SPIRE2: variants seen among roughly 807,000 people sequenced by gnomAD.
SPIRE2 encodes spire type actin nucleation factor 2, also known as protein spire homolog 2.
A neutral mutation model predicts 80.7 loss-of-function variants in SPIRE2; 76 were observed. The ratio of observed to expected loss-of-function variants is 0.94; its 90% CI spans 0.78 to 1.14. The LOEUF (loss-of-function observed/expected upper bound fraction) is 1.14. Ranked by LOEUF, SPIRE2 falls within the 50% of genes most tolerant of loss-of-function variation. The pLI, the probability that SPIRE2 is intolerant of heterozygous loss-of-function variation, is 0.00. For synonymous variants in SPIRE2, 535 were observed against 432.6 expected, an observed-to-expected ratio of 1.24 and a Z score of -2.94; for missense variants, 1,196 against 1,015.3, an observed-to-expected ratio of 1.18 and a Z score of -2.42.
At chr16:89,865,142 G>A (rs893298448) in intron 12 of SPIRE2, among the ~76,000 whole-genome samples, 3 of 151,928 alleles carry the variant, frequency 2.0e-5, no homozygotes, top group African/African-American at 7.3e-5. Flanking sequence ...GAGTAGCTGG[G>A]TCTACAGGCA....
intron 12 of SPIRE2, among the ~76,000 whole-genome samples, chr16:89,866,733 C>T (rs539406506): frequency 1.4e-4 from 21 of 152,040 alleles, no homozygotes; most frequent in Admixed American, 9.2e-4. Context: ...CTCAGCCTCC[C>T]GAGTAGCTGG....
chr16:89,858,657 G>A, intron 8 of SPIRE2, 150 bp downstream of exon 8: 1 of 767,966 alleles, frequency 1.3e-6, no homozygotes, highest in Non-Finnish European at 1.9e-6. Flanking sequence ...CCTGCCGTAG[G>A]AGGAGGCCTG....
Position 89,863,513 on chromosome 16 carries a change from T to C in SPIRE2, c.1613T>C (p.Val538Ala). ...SHPVESLALT[V>A]EEVMDVRRVL... is the part of the protein sequence containing the mutation. Reference sequence around the variant, plus strand: ...CCCGTGGAGAGCCTGGCGCTGACTGTGGAAGAGGTGATGGACGTGCGCCGT... The same window carrying C: ...CCCGTGGAGAGCCTGGCGCTGACTGCGGAAGAGGTGATGGACGTGCGCCGT... Residue 538 changes from valine to alanine, a missense_variant, in exon 11 of 15, where the codon GTG becomes GCG. Transcript: ENST00000378247. This position sits in a 1 kb window ranked among gnomAD's most constrained non-coding sequence, Gnocchi z 4.3. The C allele has an allele frequency of 2.5e-6, 4 of 1,613,988 alleles. No individual in the cohort carries two copies. Among genetic ancestry groups the C allele is most frequent in the Non-Finnish European group, 3.4e-6 (4 of 1,179,998 alleles).
Position 89,863,770 on chromosome 16 carries a change from G to A in SPIRE2, c.1711-24G>A. ...CCCAGGGAGCTTTGGACAAAGCGGG[G>A]CTCTAACCAGTCTCTCCTGACAGAT... On this transcript the variant is annotated intron_variant, in intron 11 of 14. Transcript: ENST00000378247. This position sits in a 1 kb window ranked among gnomAD's most constrained non-coding sequence, Gnocchi z 4.3. 1.2e-6 allele frequency: 2 copies of A among 1,613,616 alleles called. No individual in the cohort carries two copies. Among genetic ancestry groups the A allele is most frequent in the Non-Finnish European group, 1.7e-6 (2 of 1,179,540 alleles).
At chr16:89,829,564 T>C (rs1598213250) in intron 1 of SPIRE2, among the ~76,000 whole-genome samples, 2 of 152,158 alleles carry the variant, frequency 1.3e-5, no homozygotes, top group Non-Finnish European at 2.9e-5. Flanking sequence ...GCCTGAGAGC[T>C]GTGGGTTTGC....
At position 89,839,956 on chromosome 16, in the gene SPIRE2, G is replaced by A. The variant is rs530355752; in HGVS notation, c.245-5366G>A. Among the ~76,000 whole-genome samples the A allele has an allele frequency of 2.0e-5, 3 of 152,374 alleles. No individual in the cohort carries two copies. The East Asian group carries it at 5.8e-4, about 29-fold the overall frequency. The stretch of plus-strand genomic sequence containing the variant: ...GACTTGTTATTCGAGGTAACGCCAT[G>A]CGTGAGATTGAGCAGGAGTCATCTC... On this transcript the variant is annotated intron_variant, in intron 1 of 14. Transcript: ENST00000378247.
chr16:89,863,380 A>T lies in SPIRE2; in HGVS notation c.1576-96A>T. ...GTTTTAGAAGGTCGCAGGCTTGTTT[A>T]GGCTGAGGCCAGGGAGGGTTAGGGT... On this transcript the variant is annotated intron_variant, in intron 10 of 14. Transcript: ENST00000378247. This position sits in a 1 kb window ranked among gnomAD's most constrained non-coding sequence, Gnocchi z 4.3. The T allele has an allele frequency of 7.1e-7, 1 of 1,416,034 alleles. No individual in the cohort carries two copies. The highest frequency in any genetic ancestry group is 9.7e-7 in the Non-Finnish European group (1 of 1,031,088). The allele number at this position is 1,416,034 out of a possible 1,614,324, so 87.7% of individuals were successfully genotyped here. A position where few individuals can be genotyped will look rare whatever the true frequency, so the allele number is the denominator to read the frequency against.
chr16:89,856,021 TC>T lies in SPIRE2; in HGVS notation c.979-88del, dbSNP rs531375521. The T allele has an allele frequency of 6.5e-6, 10 of 1,546,844 alleles. 2 individuals are homozygous for T. The African/African-American group carries it at 1.4e-4, about 21-fold the overall frequency. On this transcript the variant is annotated intron_variant, in intron 6 of 14. Coordinates refer to ENST00000378247, the MANE Select transcript of SPIRE2 (RefSeq NM_032451.2). ...AGAGTGGGCCCGTGTCATGGTCACT[TC>T]CCCACCACAGGTCCCGCTTCCCCAC...
intron 1 of SPIRE2, among the ~76,000 whole-genome samples, chr16:89,841,438 C>T (rs1220983097): frequency 2.0e-5 from 3 of 152,008 alleles, no homozygotes; most frequent in Non-Finnish European, 4.4e-5. Context: ...CATGTGGCCA[C>T]GTTGGTGACG....
rs115110040 is a variant in SPIRE2, at chr16:89,833,671, C to T, written c.244+4877C>T. ...GCTAACGTCTGTGCAGCCCTGGGCA[C>T]GCCTGGCTCCGGAAGCACTGGCCAG... On this transcript the variant is annotated intron_variant, in intron 1 of 14. Transcript: ENST00000378247. Among the ~76,000 whole-genome samples, 1,467 of 152,308 alleles carry T rather than the reference C, an allele frequency of 9.6e-3. 33 individuals carry two copies. The highest frequency in any genetic ancestry group is 0.033 in the African/African-American group (1,388 of 41,560).
At chr16:89,847,930 G>T (rs951509791) in intron 2 of SPIRE2, among the ~76,000 whole-genome samples, 3 of 152,192 alleles carry the variant, frequency 2.0e-5, no homozygotes, top group African/African-American at 7.2e-5. Context: ...GCCTAGAGGG[G>T]CTGGGTGCTG....
chr16:89,863,677 A>G lies in SPIRE2; in HGVS notation c.1710+67A>G. On this transcript the variant is annotated intron_variant, in intron 11 of 14. Coordinates refer to ENST00000378247, the MANE Select transcript of SPIRE2 (RefSeq NM_032451.2). The surrounding 1 kb of genome is among the most constrained non-coding windows in gnomAD (Gnocchi z 4.3). ...GTCAGGGGCGGGTGCCGAGAGGGCC[A>G]GTTCCCAGGACTGTTTGCTCATGAT... 9.9e-6 allele frequency: 16 copies of G among 1,612,962 alleles called. No individual in the cohort carries two copies. The highest frequency in any genetic ancestry group is 1.2e-5 in the Non-Finnish European group (14 of 1,179,174).
chr16:89,835,872 G>A (rs1006180813), intron 1 of SPIRE2, among the ~76,000 whole-genome samples: 1 of 152,178 alleles, frequency 6.6e-6, no homozygotes, highest in East Asian at 1.9e-4. Context: ...GTGCGTGGGA[G>A]TAGTTTAAAA....
intron 9 of SPIRE2, 56 bp downstream of exon 9, chr16:89,859,410 G>A (rs991078071): frequency 9.4e-6 from 11 of 1,164,460 alleles, no homozygotes; most frequent in African/African-American, 3.2e-5. Context: ...GATCCATCCT[G>A]TGGGCACCAT....
At position 89,863,397 on chromosome 16, in the gene SPIRE2, G is replaced by A. The variant is rs767765102; in HGVS notation, c.1576-79G>A. 5.3e-4 allele frequency: 819 copies of A among 1,544,570 alleles called. 4 individuals are homozygous for A. The highest frequency in any genetic ancestry group is 6.6e-4 in the Non-Finnish European group (742 of 1,127,832). On this transcript the variant is annotated intron_variant, in intron 10 of 14. Coordinates refer to ENST00000378247, the MANE Select transcript of SPIRE2 (RefSeq NM_032451.2). The surrounding 1 kb of genome is among the most constrained non-coding windows in gnomAD (Gnocchi z 4.3). ...GCTTGTTTAGGCTGAGGCCAGGGAG[G>A]GTTAGGGTCCTCAGGGAAGGAGAGT...
chr16:89,860,926 G>A (rs776112484), intron 10 of SPIRE2, 131 bp downstream of exon 10: 3 of 577,752 alleles, frequency 5.2e-6, no homozygotes, highest in Non-Finnish European at 5.7e-6. Context: ...CGTCCGTCTG[G>A]GGGGGCGCGG....
chr16:89,842,505 G>T (rs2041515430), intron 1 of SPIRE2, among the ~76,000 whole-genome samples: 1 of 152,186 alleles, frequency 6.6e-6, no homozygotes, highest in Non-Finnish European at 1.5e-5. Flanking sequence ...GAGCCACCGT[G>T]CCCGGCCGTG....
chr16:89,838,673 C>G lies in SPIRE2; in HGVS notation c.245-6649C>G, dbSNP rs897198621. The stretch of plus-strand genomic sequence containing the variant: ...TGCTGCGGGCTTACTCACTCTCACA[C>G]CTTGATTTCTTGACACTCGCACATC... On this transcript the variant is annotated intron_variant, in intron 1 of 14. Coordinates refer to ENST00000378247, the MANE Select transcript of SPIRE2 (RefSeq NM_032451.2). 2.0e-5 allele frequency among the ~76,000 whole-genome samples: 3 copies of G among 152,190 alleles called. No individual in the cohort carries two copies. In the East Asian group the frequency reaches 5.8e-4, roughly 29 times the overall value.
chr16:89,858,615 C>G (rs758609037), intron 8 of SPIRE2, 108 bp downstream of exon 8: 3 of 1,104,456 alleles, frequency 2.7e-6, no homozygotes, highest in Non-Finnish European at 2.5e-6. Context: ...TGCGGTGTCT[C>G]CTGTCCAGGA....
Sources: allele counts gnomAD v4.1 joint callset (sites outside exome capture counted in the v4.1 genomes callset), GRCh38; gene constraint gnomAD v4.1.1; non-coding constraint Gnocchi (gnomAD v3.1); transcripts MANE v1.5; gene names NCBI Gene and HGNC (gene_info 2026-07-23, HGNC 2026-07-21).